The following NCOA2 variants were observed in gnomAD, a reference collection of about 807,000 sequenced individuals.
NCOA2 encodes the protein nuclear receptor coactivator 2.
In NCOA2, 21 loss-of-function variants were observed where a neutral mutation model predicts 145.1. The observed-to-expected ratio is 0.14, with a 90% CI of 0.10 to 0.21. NCOA2 has a LOEUF of 0.21. Ranked by LOEUF, NCOA2 falls within the 10% of genes least tolerant of loss-of-function variation. NCOA2 has a pLI of 1.00. For synonymous variants in NCOA2, 619 were observed against 637.5 expected (o/e 0.97, Z 0.44); for missense variants, 1,472 against 1,837.6 (o/e 0.80, Z 3.64).
intron 1 of NCOA2, among the ~76,000 whole-genome samples, chr8:70,358,680 A>G (rs1296005260): frequency 3.3e-5 from 5 of 152,236 alleles, no homozygotes; most frequent in Non-Finnish European, 1.5e-5. Context: ...CAGCAGGCCA[A>G]ATCTTTACAA....
At chr8:70,115,523 CACATGA>C (rs1175554518) in intron 22 of NCOA2, among the ~76,000 whole-genome samples, 1 of 152,172 alleles carries the variant, frequency 6.6e-6, no homozygotes, top group Non-Finnish European at 1.5e-5. Context: ...CAAAATGATG[CACATGA>C]AGTGTTTAAA....
intron 1 of NCOA2, among the ~76,000 whole-genome samples, chr8:70,343,683 G>A (rs751478020): frequency 1.1e-4 from 16 of 151,634 alleles, no homozygotes; most frequent in Non-Finnish European, 2.4e-4. Context: ...GCATGGTGGC[G>A]GGTGCCTGTA....
rs568939237 is a variant in NCOA2, at chr8:70,236,100, C to T, written c.-19-19336G>A. 3.9e-4 allele frequency among the ~76,000 whole-genome samples: 59 copies of T among 152,252 alleles called. No homozygotes were observed. In the South Asian group the frequency reaches 0.011, roughly 29 times the overall value. Reference sequence around the variant, plus strand: ...ATGTGTAAGATGTCAATCCACTGAACATCCTCCTTATACTTCTGTATTCTT... The same window carrying T: ...ATGTGTAAGATGTCAATCCACTGAATATCCTCCTTATACTTCTGTATTCTT... On this transcript the variant is annotated intron_variant, in intron 2 of 22. Coordinates refer to ENST00000452400, the MANE Select transcript of NCOA2 (RefSeq NM_006540.4).
intron 6 of NCOA2, among the ~76,000 whole-genome samples, chr8:70,168,756 G>C (rs905859116): frequency 6.6e-6 from 1 of 152,204 alleles, no homozygotes; most frequent in African/African-American, 2.4e-5. Flanking sequence ...AAGGCAAAGA[G>C]CTCTTTAGAC....
chr8:70,322,900 T>C (rs771883768), intron 1 of NCOA2, among the ~76,000 whole-genome samples: 1 of 152,222 alleles, frequency 6.6e-6, no homozygotes, highest in Non-Finnish European at 1.5e-5. Flanking sequence ...GAATTTGTTA[T>C]CAAGATATTT....
chr8:70,141,320 G>C lies in NCOA2; in HGVS notation c.2892C>G (p.Thr964=). ...WAPQSSAVRV[T]CAATTSAMNR... is the part of the protein sequence containing the mutation. ...TCATGGCACTGGTGGTAGCAGCACAGGTGACTCTCACAGCCGAACTCTGCG... is the reference window on the plus strand; with the variant it reads ...TCATGGCACTGGTGGTAGCAGCACACGTGACTCTCACAGCCGAACTCTGCG... Residue 964 remains threonine, a synonymous_variant, in exon 14 of 23, where the codon ACC becomes ACG. Transcript: ENST00000452400. The C allele has an allele frequency of 1.2e-6, 2 of 1,613,928 alleles. No homozygotes were observed. Among genetic ancestry groups the C allele is most frequent in the Non-Finnish European group, 1.7e-6 (2 of 1,179,884 alleles).
At chr8:70,372,521 T>C (rs545635942) in intron 1 of NCOA2, among the ~76,000 whole-genome samples, 7 of 152,344 alleles carry the variant, frequency 4.6e-5, no homozygotes, top group East Asian at 1.9e-4. Flanking sequence ...TAAATTATTT[T>C]ATGATTCAGC....
chr8:70,118,984 G>T (rs1807463713), intron 22 of NCOA2, among the ~76,000 whole-genome samples: 1 of 152,034 alleles, frequency 6.6e-6, no homozygotes, highest in Admixed American at 6.6e-5. Flanking sequence ...CACTGCACCT[G>T]GCCAGGAGAG....
At chr8:70,451,237 A>AAAATATATAT in the NCOA2 span, among the ~76,000 whole-genome samples, 2 of 69,526 alleles carry the variant, frequency 2.9e-5, no homozygotes, top group African/African-American at 1.5e-4. Flanking sequence ...AAAAAAAAAA[A>AAAATATATAT]ATATATATAT....
At chr8:70,174,662 G>T in intron 5 of NCOA2, 94 bp downstream of exon 5, 1 of 1,188,482 alleles carries the variant, frequency 8.4e-7, no homozygotes, top group Non-Finnish European at 1.2e-6. Flanking sequence ...TACTAGTGTG[G>T]ATTCTCCTTA....
intron 1 of NCOA2, among the ~76,000 whole-genome samples, chr8:70,355,668 A>T (rs1190835530): frequency 6.6e-6 from 1 of 152,084 alleles, no homozygotes; most frequent in Non-Finnish European, 1.5e-5. Flanking sequence ...GGGGGAAGCC[A>T]AAAGATTGGA....
In NCOA2 at chr8:70,403,703, C is replaced by G; in HGVS notation, c.-80G>C. The G allele has an allele frequency of 2.5e-6, 1 of 394,692 alleles. No individual in the cohort carries two copies. 24.4% of individuals were successfully genotyped at this position (394,692 alleles called of 1,614,324 possible). On this transcript the variant is annotated 5_prime_UTR_variant, in exon 1 of 23. Coordinates refer to ENST00000452400, the MANE Select transcript of NCOA2 (RefSeq NM_006540.4). Reference sequence around the variant, plus strand: ...CCCCGGGGGAAGGCGCGGTTACCGGCTCGGGTCGGTCACGCCGTCAGGTGC... The same window carrying G: ...CCCCGGGGGAAGGCGCGGTTACCGGGTCGGGTCGGTCACGCCGTCAGGTGC...
intron 4 of NCOA2, among the ~76,000 whole-genome samples, chr8:70,190,821 T>C (rs1816601071): frequency 6.6e-6 from 1 of 152,066 alleles, no homozygotes; most frequent in South Asian, 2.1e-4. Flanking sequence ...ACCTGGGCGA[T>C]GGAGTGAGAC....
chr8:70,356,889 T>A (rs914908860), intron 1 of NCOA2, among the ~76,000 whole-genome samples: 2 of 152,254 alleles, frequency 1.3e-5, no homozygotes, highest in Admixed American at 1.3e-4. Flanking sequence ...GGGAACATCA[T>A]TAATCTAGAT....
rs954082997 is a variant in NCOA2, at chr8:70,162,947, C to T, written c.833-93G>A. 156 of 1,232,650 alleles carry T rather than the reference C, an allele frequency of 1.3e-4. 1 individual carries two copies. The highest frequency in any genetic ancestry group is 1.6e-4 in the Non-Finnish European group (148 of 927,278). 76.4% of individuals were successfully genotyped at this position (1,232,650 alleles called of 1,614,324 possible). On this transcript the variant is annotated intron_variant, in intron 8 of 22. Transcript: ENST00000452400. ...TTTTTTTTTTTGAGACAGAGTCTCA[C>T]TCTATCGTCCAGGCTGGAGTGCAGT...
At chr8:70,327,639 T>C (rs981292123) in intron 1 of NCOA2, among the ~76,000 whole-genome samples, 63 of 151,912 alleles carry the variant, frequency 4.1e-4, no homozygotes, top group Non-Finnish European at 3.4e-4. Context: ...TCACTACTAA[T>C]CAAAACACTC....
At chr8:70,225,109 A>G (rs1204994238) in intron 2 of NCOA2, among the ~76,000 whole-genome samples, 2 of 152,250 alleles carry the variant, frequency 1.3e-5, no homozygotes, top group Non-Finnish European at 2.9e-5. Context: ...TGCACCAAGC[A>G]AGGTTCTAGT....
chr8:70,367,964 T>C (rs1201921034), intron 1 of NCOA2, among the ~76,000 whole-genome samples: 1 of 152,206 alleles, frequency 6.6e-6, no homozygotes, highest in Non-Finnish European at 1.5e-5. Flanking sequence ...TACATAGAAG[T>C]AGACACTGTA....
intron 1 of NCOA2, among the ~76,000 whole-genome samples, chr8:70,311,279 G>A (rs988068712): frequency 1.3e-5 from 2 of 151,984 alleles, no homozygotes; most frequent in African/African-American, 4.8e-5. Flanking sequence ...ATAGGGTGGG[G>A]GAAAGTGGTA....
Sources: gnomAD v4.1 joint callset for allele counts (sites outside exome capture counted in the v4.1 genomes callset) on GRCh38, gnomAD v4.1.1 for gene constraint, MANE v1.5 for transcripts, NCBI Gene and HGNC (gene_info 2026-07-23, HGNC 2026-07-21) for gene names.